The following TNKS variants were observed in gnomAD, a reference collection of about 807,000 sequenced individuals.
TNKS encodes tankyrase.
A neutral mutation model predicts 135.8 loss-of-function variants in TNKS; 72 were observed. The observed-to-expected ratio is 0.53, with a 90% confidence interval of 0.44 to 0.64. The LOEUF (loss-of-function observed/expected upper bound fraction) is 0.64. TNKS is among the 30% of genes least tolerant of loss of function. The pLI, the probability that TNKS is intolerant of heterozygous loss-of-function variation, is 0.00. For missense variants in TNKS, 1,769 were observed against 1,674.0 expected, an observed-to-expected ratio of 1.06 and a Z score of -0.99; for synonymous variants, 849 against 649.3, an observed-to-expected ratio of 1.31 and a Z score of -4.68.
intron 26 of TNKS, among the ~76,000 whole-genome samples, chr8:9,773,655 C>G (rs3209608): frequency 0.081 from 12,270 of 151,796 alleles, 532 homozygotes; most frequent in South Asian, 0.15. Flanking sequence ...TAAAATTTGA[C>G]TTGATAATTT....
At chr8:9,761,874 C>T (rs1282657759) in intron 21 of TNKS, among the ~76,000 whole-genome samples, 3 of 152,228 alleles carry the variant, frequency 2.0e-5, no homozygotes, top group African/African-American at 7.2e-5. Flanking sequence ...CTCTGTACTT[C>T]TGTCCTTTCC....
intron 13 of TNKS, among the ~76,000 whole-genome samples, chr8:9,728,499 C>T (rs796880837): frequency 6.6e-6 from 1 of 152,120 alleles, no homozygotes; most frequent in East Asian, 1.9e-4. Flanking sequence ...CTACCTATTC[C>T]TATTTTGTCA....
chr8:9,656,211 C>G (rs1265624850), intron 3 of TNKS, among the ~76,000 whole-genome samples: 1 of 152,278 alleles, frequency 6.6e-6, no homozygotes, highest in East Asian at 1.9e-4. Context: ...AAGAAACGAA[C>G]AAAGCCTCCA....
chr8:9,559,780 C>G (rs1797253289), intron 1 of TNKS, among the ~76,000 whole-genome samples: 1 of 152,086 alleles, frequency 6.6e-6, no homozygotes, highest in African/African-American at 2.4e-5. Flanking sequence ...ATTTATATTA[C>G]CTTAAGAATA....
chr8:9,630,529 T>A (rs1031793355), intron 3 of TNKS, among the ~76,000 whole-genome samples: 3 of 152,184 alleles, frequency 2.0e-5, no homozygotes, highest in South Asian at 2.1e-4. Context: ...ACTAACAGAC[T>A]TACTCTTCAA....
At chr8:9,594,120 C>T (rs888812241) in intron 2 of TNKS, among the ~76,000 whole-genome samples, 2 of 152,168 alleles carry the variant, frequency 1.3e-5, no homozygotes, top group African/African-American at 4.8e-5. Context: ...CTCCTGACCT[C>T]AGGCGGTCCA....
chr8:9,766,173 G>A, intron 24 of TNKS, 66 bp from the exon 25 acceptor site: 1 of 1,340,910 alleles, frequency 7.5e-7, no homozygotes, highest in Admixed American at 2.0e-5. Context: ...GATGCAAATA[G>A]TGTGCAGGTA....
Position 9,653,576 on chromosome 8 carries a change from T to C in TNKS, c.995-26375T>C, listed in dbSNP as rs963434225. ...AAGCATGAGAGGCAACCACACTTTA[T>C]AACAACTCACTCTCGTGGTAGCAAA... On this transcript the variant is annotated intron_variant, in intron 3 of 26. Coordinates refer to ENST00000310430, the MANE Select transcript of TNKS (RefSeq NM_003747.3). Among the ~76,000 whole-genome samples the C allele has an allele frequency of 5.3e-5, 8 of 151,826 alleles. No homozygotes were observed. The East Asian group carries it at 1.4e-3, about 26-fold the overall frequency.
chr8:9,741,655 C>T (rs569916261), intron 17 of TNKS: 35 of 491,258 alleles, frequency 7.1e-5, no homozygotes, highest in South Asian at 4.6e-4. Context: ...CCTTTTGATC[C>T]CCATCAGTTA....
chr8:9,661,999 C>T lies in TNKS; in HGVS notation c.995-17952C>T, dbSNP rs2128788142. ...CACATGAAAAAATGCTGCTCATCATCACTGGCCATCAGAGAAATGCAAATC... is the reference window on the plus strand; with the variant it reads ...CACATGAAAAAATGCTGCTCATCATTACTGGCCATCAGAGAAATGCAAATC... On this transcript the variant is annotated intron_variant, in intron 3 of 26. Transcript: ENST00000310430. 1.3e-5 allele frequency among the ~76,000 whole-genome samples: 2 copies of T among 152,354 alleles called. 1 individual carries two copies. The highest frequency in any genetic ancestry group is 6.8e-3 in the Middle Eastern group (2 of 294).
At chr8:9,771,348 C>CAGGGAGGGAGAGAGAGAGGGAGGG (rs1807838160) in intron 26 of TNKS, among the ~76,000 whole-genome samples, 1 of 58,334 alleles carries the variant, frequency 1.7e-5, no homozygotes, top group African/African-American at 5.9e-5. Flanking sequence ...GGAAGGGAAG[C>CAGGGAGGGAGAGAGAGAGGGAGGG]AGGGAGGGAG....
At chr8:9,620,279 C>G (rs1285711956) in intron 3 of TNKS, among the ~76,000 whole-genome samples, 1 of 152,056 alleles carries the variant, frequency 6.6e-6, no homozygotes, top group East Asian at 1.9e-4. Flanking sequence ...ACTTTGTATC[C>G]AACCTATCAG....
intron 2 of TNKS, 21 bp downstream of exon 2, chr8:9,580,404 T>C (rs762816290): frequency 1.6e-5 from 26 of 1,597,020 alleles, no homozygotes; most frequent in Non-Finnish European, 2.2e-5. Context: ...TTTGATGATA[T>C]CTAAATTTTA....
chr8:9,667,476 G>T (rs982151361), intron 3 of TNKS, among the ~76,000 whole-genome samples: 47 of 152,214 alleles, frequency 3.1e-4, no homozygotes, highest in Non-Finnish European at 1.2e-4. Context: ...CCTATTCAGG[G>T]ATTGCCTGAC....
At chr8:9,568,099 T>C (rs1428508886) in intron 1 of TNKS, among the ~76,000 whole-genome samples, 1 of 152,234 alleles carries the variant, frequency 6.6e-6, no homozygotes, top group Non-Finnish European at 1.5e-5. Context: ...ATCTGTTGAT[T>C]CACATTTTTT....
chr8:9,714,678 G>T (rs980067893), intron 11 of TNKS, among the ~76,000 whole-genome samples: 2 of 152,136 alleles, frequency 1.3e-5, no homozygotes, highest in African/African-American at 2.4e-5. Flanking sequence ...GAAGGAAGAG[G>T]AAGATAAAAG....
chr8:9,598,223 T>A (rs1798866846), intron 2 of TNKS, among the ~76,000 whole-genome samples: 1 of 152,032 alleles, frequency 6.6e-6, no homozygotes, highest in African/African-American at 2.4e-5. Context: ...TTTTTTATAT[T>A]TTTTTAGTAG....
intron 1 of TNKS, among the ~76,000 whole-genome samples, chr8:9,561,220 G>C (rs1486873792): frequency 2.0e-5 from 3 of 152,150 alleles, no homozygotes; most frequent in African/African-American, 7.2e-5. Context: ...TTCAGTATTT[G>C]TGTAAAGATT....
intron 4 of TNKS, among the ~76,000 whole-genome samples, 155 bp from the exon 5 acceptor site, chr8:9,680,565 ATATAT>A (rs1802739656): frequency 6.6e-6 from 1 of 152,202 alleles, no homozygotes; most frequent in African/African-American, 2.4e-5. Context: ...TTAATTAGAA[ATATAT>A]TAATTGAATT....
Sources: gnomAD v4.1 joint callset for allele counts (sites outside exome capture counted in the v4.1 genomes callset) on GRCh38, gnomAD v4.1.1 for gene constraint, MANE v1.5 for transcripts, NCBI Gene and HGNC (gene_info 2026-07-23, HGNC 2026-07-21) for gene names.